The following ZNRF3 variants were observed in gnomAD, a reference collection of about 807,000 sequenced individuals.
ZNRF3 encodes the protein E3 ubiquitin-protein ligase ZNRF3.
ZNRF3 carries 23 observed loss-of-function variants against 72.5 expected under a neutral mutation model. That is an observed-to-expected ratio of 0.32 (90% CI 0.23 to 0.45). ZNRF3 has a LOEUF of 0.45. Ranked by LOEUF, ZNRF3 falls within the 20% of genes least tolerant of loss-of-function variation. ZNRF3 has a pLI of 1.00. For missense variants in ZNRF3, 1,169 were observed against 1,272.1 expected (o/e 0.92, Z 1.23); for synonymous variants, 610 against 545.3 (o/e 1.12, Z -1.65).
chr22:28,983,963 T>G (rs2035809902), intron 1 of ZNRF3, among the ~76,000 whole-genome samples: 2 of 152,004 alleles, frequency 1.3e-5, no homozygotes, highest in East Asian at 3.9e-4. Flanking sequence ...GGTAGTATTC[T>G]GCAGGACCCA....
At chr22:28,905,102 A>AT (rs1022051594) in intron 1 of ZNRF3, among the ~76,000 whole-genome samples, 2 of 151,628 alleles carry the variant, frequency 1.3e-5, no homozygotes, top group Non-Finnish European at 2.9e-5. Flanking sequence ...CTCCCAGCTA[A>AT]TTTTTTCACT....
At chr22:29,051,046 C>A in intron 8 of ZNRF3, 98 bp downstream of exon 8, 1 of 1,372,706 alleles carries the variant, frequency 7.3e-7, no homozygotes, top group Non-Finnish European at 9.7e-7. Flanking sequence ...CTTTTGTGTC[C>A]TTGGTTTTAA....
intron 8 of ZNRF3, among the ~76,000 whole-genome samples, chr22:29,053,300 A>T (rs1322386999): frequency 6.6e-6 from 1 of 152,182 alleles, no homozygotes; most frequent in Non-Finnish European, 1.5e-5. Context: ...CCAAGGCCTG[A>T]CGCACACCGG....
chr22:29,055,044 G>A lies in ZNRF3; in HGVS notation c.*1422G>A, dbSNP rs1271513878. The A allele has an allele frequency of 2.6e-5, 4 of 152,658 alleles. No individual in the cohort carries two copies. Among genetic ancestry groups the A allele is most frequent in the African/African-American group, 9.7e-5 (4 of 41,418 alleles). 9.5% of individuals were successfully genotyped at this position (152,658 alleles called of 1,614,324 possible). A position where few individuals can be genotyped will look rare whatever the true frequency, so the allele number is the denominator to read the frequency against. ...GGGTAGGTTTTTGTATATTTTTCCA[G>A]CCTTTTTTATTAAGGGGAAGGGGAG... On this transcript the variant is annotated 3_prime_UTR_variant, in exon 9 of 9. Coordinates refer to ENST00000544604, the MANE Select transcript of ZNRF3 (RefSeq NM_001206998.2).
At chr22:28,975,942 A>G (rs1210748436) in intron 1 of ZNRF3, among the ~76,000 whole-genome samples, 1 of 152,138 alleles carries the variant, frequency 6.6e-6, no homozygotes, top group Non-Finnish European at 1.5e-5. Context: ...TTGCTGTTGT[A>G]TTCATCACCA....
chr22:29,004,066 C>T (rs1176858883), intron 2 of ZNRF3, among the ~76,000 whole-genome samples: 1 of 152,228 alleles, frequency 6.6e-6, no homozygotes, highest in East Asian at 1.9e-4. Flanking sequence ...ACGGGCTTCT[C>T]GAATTACAGG....
intron 1 of ZNRF3, among the ~76,000 whole-genome samples, chr22:28,974,844 C>G (rs1036718204): frequency 1.6e-4 from 24 of 152,122 alleles, no homozygotes; most frequent in African/African-American, 5.8e-4. Flanking sequence ...ACTGTGTTGC[C>G]CAGGTTAGTC....
intron 1 of ZNRF3, among the ~76,000 whole-genome samples, chr22:28,942,170 C>T (rs1029610689): frequency 4.6e-5 from 7 of 152,152 alleles, no homozygotes; most frequent in African/African-American, 1.7e-4. Context: ...TAATTTTGAG[C>T]AAATCATACT....
At chr22:28,960,778 G>A (rs1183424176) in intron 1 of ZNRF3, among the ~76,000 whole-genome samples, 2 of 152,042 alleles carry the variant, frequency 1.3e-5, no homozygotes, top group Admixed American at 6.5e-5. Flanking sequence ...CCAGGCTCCT[G>A]CTCATTCTTA....
intron 1 of ZNRF3, among the ~76,000 whole-genome samples, chr22:28,914,688 C>T (rs887798816): frequency 1.3e-5 from 2 of 151,598 alleles, no homozygotes; most frequent in African/African-American, 4.9e-5. Context: ...GTGGTGCATG[C>T]CTATATTGTC....
chr22:28,918,535 TGC>T (rs2034449279), intron 1 of ZNRF3, among the ~76,000 whole-genome samples: 1 of 26,066 alleles, frequency 3.8e-5, no homozygotes, highest in South Asian at 1.3e-3. Flanking sequence ...TCTGCATGTG[TGC>T]GTGTGTGTGT....
chr22:28,998,693 AG>A (rs1222096637), intron 2 of ZNRF3, among the ~76,000 whole-genome samples: 3 of 152,230 alleles, frequency 2.0e-5, no homozygotes, highest in African/African-American at 7.2e-5. Flanking sequence ...CTTGGTTAAA[AG>A]GCTATATTAA....
At chr22:28,933,145 T>C (rs1319141418) in intron 1 of ZNRF3, among the ~76,000 whole-genome samples, 2 of 152,334 alleles carry the variant, frequency 1.3e-5, no homozygotes, top group East Asian at 3.9e-4. Flanking sequence ...AAAAATATCA[T>C]CTAAACTCAT....
At chr22:29,015,963 C>T (rs1012250895) in intron 2 of ZNRF3, among the ~76,000 whole-genome samples, 2 of 145,650 alleles carry the variant, frequency 1.4e-5, no homozygotes, top group Non-Finnish European at 3.0e-5. Flanking sequence ...TTGCGGTGAG[C>T]CAAGATCACG....
At chr22:28,949,480 T>C (rs1293759001) in intron 1 of ZNRF3, among the ~76,000 whole-genome samples, 2 of 152,164 alleles carry the variant, frequency 1.3e-5, no homozygotes, top group Non-Finnish European at 2.9e-5. Flanking sequence ...GGTTTCACCA[T>C]GTTGCCCAGG....
chr22:28,960,067 TG>T (rs2035329834), intron 1 of ZNRF3, among the ~76,000 whole-genome samples: 1 of 152,230 alleles, frequency 6.6e-6, no homozygotes, highest in African/African-American at 2.4e-5. Context: ...AATTTGAATA[TG>T]TTCTTTATCT....
rs2034837511 is a variant in ZNRF3, at chr22:28,937,183, AT to A, written c.301-49892del. On this transcript the variant is annotated intron_variant, in intron 1 of 8. Coordinates refer to ENST00000544604, the MANE Select transcript of ZNRF3 (RefSeq NM_001206998.2). ...CCTACTTCTCTCTTATAATATATAT[AT>A]ATATATATATATATATATATATATA... Among the ~76,000 whole-genome samples the A allele has an allele frequency of 1.4e-3, 11 of 7,748 alleles. No homozygotes were observed. The South Asian group carries it at 0.075, about 53-fold the overall frequency. The allele number at this position is 7,748 out of a possible 152,430, so 5.1% of individuals were successfully genotyped here.
intron 1 of ZNRF3, among the ~76,000 whole-genome samples, chr22:28,884,348 C>T (rs987028279): frequency 1.3e-5 from 2 of 152,310 alleles, no homozygotes; most frequent in South Asian, 2.1e-4. Flanking sequence ...CCCCCTTGGC[C>T]GGTTGGGTAT....
At chr22:28,955,032 G>GTTTTTT (rs372334361) in intron 1 of ZNRF3, among the ~76,000 whole-genome samples, 7 of 137,168 alleles carry the variant, frequency 5.1e-5, no homozygotes, top group African/African-American at 8.1e-5. Flanking sequence ...TATTTTTGGT[G>GTTTTTT]TTTTTTTTTT....
Sources: allele counts gnomAD v4.1 joint callset (sites outside exome capture counted in the v4.1 genomes callset), GRCh38; gene constraint gnomAD v4.1.1; transcripts MANE v1.5; gene names NCBI Gene and HGNC (gene_info 2026-07-23, HGNC 2026-07-21).